Variants in HAPLN2 observed in about 807,000 individuals in gnomAD.
HAPLN2 encodes brain link protein-1.
In HAPLN2, 27 loss-of-function variants were observed where a neutral mutation model predicts 29.3. The ratio of observed to expected loss-of-function variants is 0.92; its 90% confidence interval spans 0.68 to 1.27. HAPLN2 has a LOEUF of 1.27. Among genes scored for constraint, HAPLN2 ranks in the 50% most tolerant of loss-of-function variants. The probability of loss-of-function intolerance (pLI) is 0.00; values close to 1 mark genes in which losing one functional copy is unlikely to be tolerated. For missense variants in HAPLN2, 454 were observed against 484.3 expected (o/e 0.94, Z 0.59); for synonymous variants, 208 against 211.7 (o/e 0.98, Z 0.15).
At chr1:156,605,181 G>A in the HAPLN2 span, among the ~76,000 whole-genome samples, 5,592 of 151,750 alleles carry the variant, frequency 0.037, 363 homozygotes, top group African/African-American at 0.13. Flanking sequence ...CACGAGGATC[G>A]CTTGAACCTG....
At chr1:156,605,878 G>A in the HAPLN2 span, among the ~76,000 whole-genome samples, 1 of 151,824 alleles carries the variant, frequency 6.6e-6, no homozygotes, top group Non-Finnish European at 1.5e-5. Context: ...GGCCGGGCAT[G>A]GTGGCTCAAG....
At chr1:156,613,824 G>A in the HAPLN2 span, among the ~76,000 whole-genome samples, 13,583 of 151,010 alleles carry the variant, frequency 0.09, 786 homozygotes, top group Middle Eastern at 0.17. Context: ...GGCTGAGACA[G>A]GAGAATCACT....
At chr1:156,607,470 A>G in the HAPLN2 span, among the ~76,000 whole-genome samples, 1 of 151,462 alleles carries the variant, frequency 6.6e-6, no homozygotes, top group Non-Finnish European at 1.5e-5. Context: ...ACAGAGCAAG[A>G]CTCTGTCTCA....
In HAPLN2 at chr1:156,624,230, T is replaced by A. The variant is rs533551649; in HGVS notation, c.439+70T>A. On this transcript the variant is annotated intron_variant, in intron 4 of 6. Transcript: ENST00000255039. The stretch of plus-strand genomic sequence containing the variant: ...CCGCCTCGCCTGGGTCTCCCAGGGC[T>A]CCTTCCCAGTATCTCCTCCGCACCC... 3,101 of 1,523,906 alleles carry A rather than the reference T, an allele frequency of 2.0e-3. 15 individuals are homozygous for A. The highest frequency in any genetic ancestry group is 5.9e-3 in the South Asian group (466 of 79,354). 94.4% of individuals were successfully genotyped at this position (1,523,906 alleles called of 1,614,324 possible).
chr1:156,623,450 C>G lies in HAPLN2; in HGVS notation c.-24-17C>G. 1 of 1,609,494 alleles carries G rather than the reference C, an allele frequency of 6.2e-7. No homozygotes were observed. The highest frequency in any genetic ancestry group is 1.7e-4 in the Middle Eastern group (1 of 6,048). On this transcript the variant is annotated splice_polypyrimidine_tract_variant and intron_variant, in intron 2 of 6. Coordinates refer to ENST00000255039, the MANE Select transcript of HAPLN2 (RefSeq NM_021817.3). Reference sequence around the variant, plus strand: ...TTGCCCCAGTCCTAAGAACTGCCCACTCTTTGTGCCCTGCAGACGGTGCCG... The same window carrying G: ...TTGCCCCAGTCCTAAGAACTGCCCAGTCTTTGTGCCCTGCAGACGGTGCCG...
At chr1:156,617,131 C>T (rs1235628384), upstream of HAPLN2, among the ~76,000 whole-genome samples, 4 of 151,542 alleles carry the variant, frequency 2.6e-5, no homozygotes, top group Admixed American at 6.6e-5. Context: ...TCAAGGTGAG[C>T]TTCCTATTAT....
At chr1:156,611,410 C>A in the HAPLN2 span, among the ~76,000 whole-genome samples, 3 of 151,920 alleles carry the variant, frequency 2.0e-5, no homozygotes, top group South Asian at 4.2e-4. Context: ...ACTAAAAATA[C>A]AAAAAATAGC....
upstream of HAPLN2, among the ~76,000 whole-genome samples, chr1:156,618,912 C>T (rs1350676291): frequency 1.3e-5 from 2 of 151,450 alleles, no homozygotes; most frequent in African/African-American, 4.9e-5. Flanking sequence ...TATTAGGGAA[C>T]CAATAAGATA....
chr1:156,623,776 G>A lies in HAPLN2; in HGVS notation c.86-31G>A. On this transcript the variant is annotated intron_variant, in intron 3 of 6. Transcript: ENST00000255039. ...GGCACTTGGGGCAGTGAGGATTGGG[G>A]GTTCCTGCCACTGTGGCCCCCTCTG... 2.0e-6 allele frequency: 3 copies of A among 1,473,948 alleles called. 1 individual carries two copies. Among genetic ancestry groups the A allele is most frequent in the South Asian group, 2.8e-5 (2 of 71,460 alleles). The allele number at this position is 1,473,948 out of a possible 1,614,324, so 91.3% of individuals were successfully genotyped here. A position where few individuals can be genotyped will look rare whatever the true frequency, so the allele number is the denominator to read the frequency against.
At chr1:156,620,318 C>A (rs1380500460) in intron 2 of HAPLN2, among the ~76,000 whole-genome samples, 160 bp downstream of exon 2, 1 of 152,188 alleles carries the variant, frequency 6.6e-6, no homozygotes, top group Admixed American at 6.5e-5. Flanking sequence ...CTCTTACTAG[C>A]TGTGTGACCT....
chr1:156,624,983 T>A, intron 6 of HAPLN2, 118 bp from the exon 7 acceptor site: 3 of 1,086,664 alleles, frequency 2.8e-6, no homozygotes, highest in Non-Finnish European at 3.5e-6. Flanking sequence ...CCCCAACTCC[T>A]CTTACCCAAG....
At chr1:156,606,772 C>T in the HAPLN2 span, among the ~76,000 whole-genome samples, 3 of 152,024 alleles carry the variant, frequency 2.0e-5, no homozygotes, top group South Asian at 2.1e-4. Context: ...AGTGAGCCAC[C>T]GCGCCCAGCC....
chr1:156,614,159 G>C, the HAPLN2 span, among the ~76,000 whole-genome samples: 5 of 151,522 alleles, frequency 3.3e-5, no homozygotes, highest in Admixed American at 6.6e-5. Context: ...TATAAAATGG[G>C]AATAATAATA....
chr1:156,624,212 G>C, intron 4 of HAPLN2, 52 bp downstream of exon 4: 1 of 1,552,494 alleles, frequency 6.4e-7, no homozygotes, highest in Non-Finnish European at 8.7e-7. Context: ...GGTCCGCCTC[G>C]CCTGGGTCTC....
At position 156,624,809 on chromosome 1, in the gene HAPLN2, C is replaced by T. The variant is rs945437652; in HGVS notation, c.739+26C>T. On this transcript the variant is annotated intron_variant, in intron 6 of 6. Coordinates refer to ENST00000255039, the MANE Select transcript of HAPLN2 (RefSeq NM_021817.3). ...GTGAGGCGCGGGACGAAGGCAGGGTCTTGGGGAGGGGTCTGAAAAATGTGG... is the reference window on the plus strand; with the variant it reads ...GTGAGGCGCGGGACGAAGGCAGGGTTTTGGGGAGGGGTCTGAAAAATGTGG... 2.7e-6 allele frequency: 4 copies of T among 1,469,406 alleles called. 1 individual carries two copies. The Admixed American group carries it at 7.4e-5, about 27-fold the overall frequency. The allele number at this position is 1,469,406 out of a possible 1,614,324, so 91.0% of individuals were successfully genotyped here. A position where few individuals can be genotyped will look rare whatever the true frequency, so the allele number is the denominator to read the frequency against.
chr1:156,624,203 G>A, intron 4 of HAPLN2, 43 bp downstream of exon 4: 1 of 1,566,408 alleles, frequency 6.4e-7, no homozygotes, highest in Non-Finnish European at 8.6e-7. Context: ...GTAGCAGCGG[G>A]TCCGCCTCGC....
At chr1:156,607,943 G>GA in the HAPLN2 span, among the ~76,000 whole-genome samples, 62 of 147,108 alleles carry the variant, frequency 4.2e-4, no homozygotes, top group Non-Finnish European at 5.7e-4. Context: ...TTCTGTTGAG[G>GA]AAAAAAAAAA....
the HAPLN2 span, among the ~76,000 whole-genome samples, chr1:156,604,257 C>T: frequency 6.7e-6 from 1 of 150,276 alleles, no homozygotes; most frequent in East Asian, 1.9e-4. Flanking sequence ...ATACAATGGA[C>T]TAATGTGTAG....
Position 156,623,864 on chromosome 1 carries a change from A to T in HAPLN2, c.143A>T (p.His48Leu). Residue 48 changes from histidine to leucine, a missense_variant, in exon 4 of 7, where the codon CAT (histidine) becomes CTT (leucine). His to Leu is a moderately conservative substitution (Grantham distance 99). This residue lies in a region of HAPLN2 where 204 missense variants were observed against 209.2 expected (regional missense o/e 0.98). Transcript: ENST00000255039. ...CCCATCCACGAGGTCATTCACTCTC[A>T]TCGTGGGGCCACGGCCACGCTGCCC... Reference protein sequence around the residue: ...LPPIHEVIHSHRGATATLPCV... With the variant: ...LPPIHEVIHSLRGATATLPCV... The T allele has an allele frequency of 6.4e-7, 1 of 1,562,282 alleles. No homozygotes were observed. The highest frequency in any genetic ancestry group is 8.7e-7 in the Non-Finnish European group (1 of 1,154,732).
Sources: gnomAD v4.1 joint callset for allele counts (sites outside exome capture counted in the v4.1 genomes callset) on GRCh38, gnomAD v4.1.1 for gene constraint, gnomAD v4.1.1 regional missense constraint, MANE v1.5 for transcripts, NCBI Gene and HGNC (gene_info 2026-07-23, HGNC 2026-07-21) for gene names.